The following CATSPER3 variants were observed in gnomAD, a reference collection of about 807,000 sequenced individuals.
CATSPER3 encodes cation channel sperm associated 3.
A neutral mutation model predicts 36.6 loss-of-function variants in CATSPER3; 23 were observed. The ratio of observed to expected loss-of-function variants is 0.63; its 90% CI spans 0.45 to 0.89. CATSPER3 has a LOEUF of 0.89. CATSPER3 is among the 40% of genes least tolerant of loss of function. The pLI is 0.00. For synonymous variants in CATSPER3, 172 were observed against 184.1 expected, an observed-to-expected ratio of 0.93 and a Z score of 0.53; for missense variants, 474 against 503.9, an observed-to-expected ratio of 0.94 and a Z score of 0.57.
In CATSPER3 at chr5:135,007,973, T is replaced by C; in HGVS notation, c.509T>C (p.Val170Ala). 6.2e-7 allele frequency: 1 copy of C among 1,614,018 alleles called. No homozygotes were observed. The highest frequency in any genetic ancestry group is 8.5e-7 in the Non-Finnish European group (1 of 1,179,980). Residue 170 changes from valine (V) to alanine (A), a missense_variant, in exon 4 of 8, where the codon GTG becomes GCG. Transcript: ENST00000282611. Reference sequence around the variant, plus strand: ...GCCTTGCAGACGCTGATCACCGCCGTGGGGCAGACAGTCTACACCGTGGCC... The same window carrying C: ...GCCTTGCAGACGCTGATCACCGCCGCGGGGCAGACAGTCTACACCGTGGCC... ...SQGIRTLITA[V>A]GQTVYTVASV...
At chr5:134,985,989 C>T (rs965021194) in intron 2 of CATSPER3, among the ~76,000 whole-genome samples, 1 of 152,014 alleles carries the variant, frequency 6.6e-6, no homozygotes, top group African/African-American at 2.4e-5. Context: ...GAAACACACA[C>T]ACACAGCCAT....
chr5:134,971,258 T>C (rs1365002051), intron 2 of CATSPER3, among the ~76,000 whole-genome samples: 1 of 151,612 alleles, frequency 6.6e-6, no homozygotes, highest in African/African-American at 2.4e-5. Flanking sequence ...CCCTCCCATC[T>C]CTATTAAAAA....
chr5:135,000,102 A>G (rs1752002000), intron 3 of CATSPER3, among the ~76,000 whole-genome samples: 1 of 152,198 alleles, frequency 6.6e-6, no homozygotes, highest in Non-Finnish European at 1.5e-5. Flanking sequence ...TAATTTATTG[A>G]GAGTTTTTAG....
chr5:135,003,664 C>T lies in CATSPER3; in HGVS notation c.493-4293C>T, dbSNP rs56680055. On this transcript the variant is annotated intron_variant, in intron 3 of 7. Coordinates refer to ENST00000282611, the MANE Select transcript of CATSPER3 (RefSeq NM_178019.3). Reference sequence around the variant, plus strand: ...AGCCTCAGCAATGGCAGGCGCCCATCCCGCAGCCTCGCTGCTGCCTTGCAG... The same window carrying T: ...AGCCTCAGCAATGGCAGGCGCCCATTCCGCAGCCTCGCTGCTGCCTTGCAG... 7.3e-3 allele frequency among the ~76,000 whole-genome samples: 1,119 copies of T among 152,344 alleles called. 21 individuals carry two copies. The highest frequency in any genetic ancestry group is 0.026 in the African/African-American group (1,067 of 41,580).
intron 2 of CATSPER3, among the ~76,000 whole-genome samples, chr5:134,991,375 C>G (rs1440871222): frequency 6.6e-6 from 1 of 152,206 alleles, no homozygotes; most frequent in Non-Finnish European, 1.5e-5. Flanking sequence ...AGGACTTGCA[C>G]TTTCTGACTT....
At chr5:134,980,085 G>A (rs1367736953) in intron 2 of CATSPER3, among the ~76,000 whole-genome samples, 1 of 151,912 alleles carries the variant, frequency 6.6e-6, no homozygotes, top group African/African-American at 2.4e-5. Flanking sequence ...GGACTCAAGG[G>A]ATCCTCCTGT....
chr5:134,978,505 T>C lies in CATSPER3; in HGVS notation c.252+8413T>C, dbSNP rs541534457. ...CTATAAAAAAACTGATTGCAAACAT[T>C]ATACTTAATGATGAGAAACTTGATG... On this transcript the variant is annotated intron_variant, in intron 2 of 7. Coordinates refer to ENST00000282611, the MANE Select transcript of CATSPER3 (RefSeq NM_178019.3). 1.5e-3 allele frequency among the ~76,000 whole-genome samples: 233 copies of C among 152,256 alleles called. 1 individual carries two copies. Among genetic ancestry groups the C allele is most frequent in the African/African-American group, 5.4e-3 (223 of 41,562 alleles).
At chr5:134,972,098 T>C (rs1187095867) in intron 2 of CATSPER3, among the ~76,000 whole-genome samples, 1 of 152,204 alleles carries the variant, frequency 6.6e-6, no homozygotes, top group African/African-American at 2.4e-5. Flanking sequence ...AATCCCCTTA[T>C]ACAGGCTGAG....
At chr5:134,968,798 C>G (rs1355511327) in intron 1 of CATSPER3, 1 of 151,754 alleles carries the variant, frequency 6.6e-6, no homozygotes, top group Non-Finnish European at 1.5e-5. Flanking sequence ...AACAGTAATA[C>G]GTACTCTGAG....
intron 3 of CATSPER3, among the ~76,000 whole-genome samples, chr5:135,000,910 GTCTC>G (rs907484278): frequency 2.6e-5 from 4 of 151,846 alleles, no homozygotes; most frequent in African/African-American, 7.3e-5. Context: ...GTTTCTTTTT[GTCTC>G]TCTATCTCCT....
intron 1 of CATSPER3, 50 bp from the exon 2 acceptor site, chr5:134,969,889 A>T: frequency 6.3e-7 from 1 of 1,599,784 alleles, no homozygotes; most frequent in Non-Finnish European, 8.6e-7. Flanking sequence ...TTTTATGGGG[A>T]TCTAGCTCTA....
In CATSPER3 at chr5:134,996,482, C is replaced by T. The variant is rs1395095043; in HGVS notation, c.462C>T (p.Leu154=). ...ATGGCATGCAGTCCCTGCGCATCCTCAAGCTTATCGGCTATAGCCAGGGCA... is the reference window on the plus strand; with the variant it reads ...ATGGCATGCAGTCCCTGCGCATCCTTAAGCTTATCGGCTATAGCCAGGGCA... ...IADGMQSLRI[L]KLIGYSQGIR... Residue 154 remains leucine, a synonymous_variant, in exon 3 of 8, where the codon CTC becomes CTT. Transcript: ENST00000282611. The T allele has an allele frequency of 6.2e-7, 1 of 1,614,234 alleles. No homozygotes were observed.
intron 2 of CATSPER3, among the ~76,000 whole-genome samples, chr5:134,994,851 TC>T (rs1394744397): frequency 1.3e-5 from 2 of 152,080 alleles, no homozygotes; most frequent in Admixed American, 6.6e-5. Flanking sequence ...CTCAAAGTGT[TC>T]CCCCAGTTTT....
At chr5:135,008,780 T>A (rs1163778578) in intron 4 of CATSPER3, 61 bp from the exon 5 acceptor site, 3 of 1,493,104 alleles carry the variant, frequency 2.0e-6, no homozygotes, top group East Asian at 4.5e-5. Flanking sequence ...CTAGCATAGG[T>A]GAAAAGGAGG....
intron 2 of CATSPER3, among the ~76,000 whole-genome samples, chr5:134,994,719 C>G (rs909546670): frequency 1.3e-5 from 2 of 152,204 alleles, no homozygotes; most frequent in African/African-American, 4.8e-5. Flanking sequence ...TGACAGTTTG[C>G]TTGTCTAACC....
At chr5:134,979,475 A>T (rs901000006) in intron 2 of CATSPER3, among the ~76,000 whole-genome samples, 10 of 152,204 alleles carry the variant, frequency 6.6e-5, no homozygotes, top group African/African-American at 2.4e-4. Flanking sequence ...CCTGAGAGCC[A>T]GGTGAAGGAC....
Position 134,970,055 on chromosome 5 carries a change from G to A in CATSPER3, c.215G>A (p.Ser72Asn). The A allele has an allele frequency of 6.2e-7, 1 of 1,614,046 alleles. No individual in the cohort carries two copies. The highest frequency in any genetic ancestry group is 1.1e-5 in the South Asian group (1 of 91,076). ...SNAFFMALWT[S>N]YDIRYRLFRL... is the part of the protein sequence containing the mutation. ...GCGTTTTTTATGGCCTTGTGGACCA[G>A]TTATGACATAAGGTACCGCTTGTTC... The change falls in exon 2 of 8, where the codon AGT becomes AAT. Residue 72 changes from serine (S) to asparagine (N), a missense_variant. Coordinates refer to ENST00000282611, the MANE Select transcript of CATSPER3 (RefSeq NM_178019.3).
intron 2 of CATSPER3, among the ~76,000 whole-genome samples, chr5:134,985,948 T>A (rs1395006491): frequency 6.6e-6 from 1 of 151,522 alleles, no homozygotes; most frequent in Non-Finnish European, 1.5e-5. Flanking sequence ...ATTGAAATTT[T>A]AAAAAAATTT....
chr5:135,008,174 C>A (rs1752115861), intron 4 of CATSPER3, 35 bp downstream of exon 4: 9 of 1,579,310 alleles, frequency 5.7e-6, no homozygotes, highest in Non-Finnish European at 6.1e-6. Flanking sequence ...AGGGCAGGGG[C>A]CTTAGGAAGG....
Sources: allele counts gnomAD v4.1 joint callset (sites outside exome capture counted in the v4.1 genomes callset), GRCh38; gene constraint gnomAD v4.1.1; transcripts MANE v1.5; gene names NCBI Gene and HGNC (gene_info 2026-07-23, HGNC 2026-07-21).